The following DAB1 variants were observed in gnomAD, a reference collection of about 807,000 sequenced individuals.
The protein encoded by DAB1 is disabled homolog 1.
Under a neutral mutation model 64.6 loss-of-function variants are expected in DAB1, and 15 were observed. The observed-to-expected ratio is 0.23, with a 90% CI of 0.16 to 0.36. DAB1 has a LOEUF of 0.36. Among genes scored for constraint, DAB1 ranks in the 10% least tolerant of loss-of-function variants. The pLI, the probability that DAB1 is intolerant of heterozygous loss-of-function variation, is 1.00. For missense variants in DAB1, 596 were observed against 706.7 expected, an observed-to-expected ratio of 0.84 and a Z score of 1.78; for synonymous variants, 235 against 251.9, an observed-to-expected ratio of 0.93 and a Z score of 0.64.
intron 5 of DAB1, among the ~76,000 whole-genome samples, chr1:58,040,557 G>A (rs1440452861): frequency 6.6e-6 from 1 of 152,150 alleles, no homozygotes; most frequent in East Asian, 1.9e-4. Context: ...AAAATAAAAT[G>A]ACTCCCAACT....
rs560285245 is a variant in DAB1 at position 57,768,198 on chromosome 1, G to T, written n.551+115801C>A. Among the ~76,000 whole-genome samples the T allele has an allele frequency of 2.5e-4, 18 of 71,948 alleles. No homozygotes were observed. The South Asian group carries it at 4.1e-3, about 16-fold the overall frequency. 47.2% of individuals were successfully genotyped at this position (71,948 alleles called of 152,430 possible). ...TCTAAAAAAAAAAAAAAAAAAAAAA[G>T]TTGAGGTGCTACATCCATGCTCCCT... On this transcript the variant is annotated intron_variant and non_coding_transcript_variant, in intron 6 of 20. Transcript: ENST00000485760.
intron 3 of DAB1, among the ~76,000 whole-genome samples, chr1:58,367,309 C>T (rs1162576059): frequency 6.6e-6 from 1 of 152,186 alleles, no homozygotes; most frequent in Non-Finnish European, 1.5e-5. Flanking sequence ...CATATCAATG[C>T]TCACAAGAAA....
intron 2 of DAB1, among the ~76,000 whole-genome samples, chr1:58,521,218 G>A (rs1233012778): frequency 6.6e-6 from 1 of 151,570 alleles, no homozygotes; most frequent in African/African-American, 2.4e-5. Context: ...AAACCACAGC[G>A]AAAACAAGAA....
chr1:58,356,398 T>G (rs1311139738), intron 3 of DAB1, among the ~76,000 whole-genome samples: 1 of 152,180 alleles, frequency 6.6e-6, no homozygotes, highest in Non-Finnish European at 1.5e-5. Flanking sequence ...AATATATACA[T>G]GCATACATAA....
In DAB1 at chr1:57,489,567, A is replaced by G. The variant is rs116411083; in HGVS notation, n.625+160025T>C. On this transcript the variant is annotated intron_variant and non_coding_transcript_variant, in intron 7 of 20. Transcript: ENST00000485760. ...CCTCAACAATGACCCCTGTGGTTCG[A>G]TTACAAGTATGTCTAAATTAGACTT... Among the ~76,000 whole-genome samples the G allele has an allele frequency of 2.1e-3, 326 of 152,294 alleles. 3 individuals carry two copies. Among genetic ancestry groups the G allele is most frequent in the African/African-American group, 7.5e-3 (313 of 41,554 alleles).
intron 4 of DAB1, among the ~76,000 whole-genome samples, chr1:58,186,531 T>C (rs1331166776): frequency 6.6e-6 from 1 of 152,234 alleles, no homozygotes; most frequent in African/African-American, 2.4e-5. Flanking sequence ...CTTTTTTTTC[T>C]TTTTAAAGAT....
chr1:58,299,063 G>A (rs1662057853), intron 4 of DAB1, among the ~76,000 whole-genome samples: 1 of 152,136 alleles, frequency 6.6e-6, no homozygotes, highest in Non-Finnish European at 1.5e-5. Flanking sequence ...AGTCATCTGA[G>A]GGCAGTCATT....
chr1:57,108,798 A>C (rs1288623202), intron 4 of DAB1, among the ~76,000 whole-genome samples: 5 of 152,176 alleles, frequency 3.3e-5, no homozygotes, highest in African/African-American at 1.2e-4. Flanking sequence ...ACCGGAAAGG[A>C]CAAATGATAA....
chr1:58,174,331 T>G (rs1011265513), intron 4 of DAB1, among the ~76,000 whole-genome samples: 34 of 152,198 alleles, frequency 2.2e-4, no homozygotes, highest in African/African-American at 7.7e-4. Context: ...GGGCCCTGTA[T>G]TTTTAACCTC....
At chr1:58,252,870 A>G (rs1660836391) in intron 4 of DAB1, among the ~76,000 whole-genome samples, 1 of 152,204 alleles carries the variant, frequency 6.6e-6, no homozygotes, top group Non-Finnish European at 1.5e-5. Context: ...AGAACTGTAG[A>G]TCGCCAAGAC....
At chr1:57,654,451 TA>T (rs1646292460) in intron 6 of DAB1, among the ~76,000 whole-genome samples, 1 of 152,188 alleles carries the variant, frequency 6.6e-6, no homozygotes, top group South Asian at 2.1e-4. Flanking sequence ...ATCAAAATGG[TA>T]AAGTGATAAT....
At chr1:58,012,431 T>C (rs987888775) in intron 5 of DAB1, among the ~76,000 whole-genome samples, 1 of 152,146 alleles carries the variant, frequency 6.6e-6, no homozygotes, top group African/African-American at 2.4e-5. Context: ...TCTGGCCTAC[T>C]GTATATGTAA....
At chr1:57,807,207 CTGTATACTTACT>C (rs1215694315) in intron 6 of DAB1, among the ~76,000 whole-genome samples, 2 of 152,220 alleles carry the variant, frequency 1.3e-5, no homozygotes, top group Non-Finnish European at 2.9e-5. Flanking sequence ...CCTTCCATCT[CTGTATACTTACT>C]TGTATACTTA....
intron 6 of DAB1, among the ~76,000 whole-genome samples, chr1:57,686,418 C>T (rs958520912): frequency 2.6e-5 from 4 of 152,064 alleles, no homozygotes; most frequent in African/African-American, 4.8e-5. Context: ...AACCTACCAA[C>T]CAGAAAAGAA....
intron 1 of DAB1, among the ~76,000 whole-genome samples, chr1:57,403,534 G>A (rs1683408991): frequency 6.6e-6 from 1 of 152,132 alleles, no homozygotes; most frequent in Non-Finnish European, 1.5e-5. Context: ...CCCACATAGA[G>A]TCAAAATTCT....
At chr1:57,530,985 C>T (rs1395189204) in intron 7 of DAB1, among the ~76,000 whole-genome samples, 1 of 152,112 alleles carries the variant, frequency 6.6e-6, no homozygotes. Flanking sequence ...TCAGTCACTC[C>T]AAACCCAGTC....
intron 2 of DAB1, among the ~76,000 whole-genome samples, chr1:57,218,216 G>C (rs1666571584): frequency 6.6e-6 from 1 of 152,104 alleles, no homozygotes; most frequent in African/African-American, 2.4e-5. Flanking sequence ...CCGAGGAAAG[G>C]GAAAGCATTC....
intron 9 of DAB1, among the ~76,000 whole-genome samples, chr1:57,050,167 A>G (rs1199976563): frequency 6.6e-6 from 1 of 152,100 alleles, no homozygotes; most frequent in Non-Finnish European, 1.5e-5. Flanking sequence ...AGTTCCTCAT[A>G]TTAGATCCCC....
intron 3 of DAB1, among the ~76,000 whole-genome samples, chr1:58,409,495 T>C (rs1426300737): frequency 6.6e-6 from 1 of 152,186 alleles, no homozygotes; most frequent in Non-Finnish European, 1.5e-5. Context: ...CAGTGGGCTG[T>C]CCCAGGAAGC....
Sources: allele counts gnomAD v4.1 joint callset (sites outside exome capture counted in the v4.1 genomes callset), GRCh38; gene constraint gnomAD v4.1.1; transcripts MANE v1.5; gene names NCBI Gene and HGNC (gene_info 2026-07-23, HGNC 2026-07-21).